The following RREB1 variants were observed in gnomAD, a reference collection of about 807,000 sequenced individuals.
RREB1 encodes ras responsive element binding protein 1.
A neutral mutation model predicts 117.8 loss-of-function variants in RREB1; 27 were observed. The observed-to-expected ratio is 0.23, with a 90% CI of 0.17 to 0.32. The LOEUF (loss-of-function observed/expected upper bound fraction) is 0.32. RREB1 is among the 10% of genes least tolerant of loss of function. The pLI is 1.00. For missense variants in RREB1, 2,577 were observed against 2,378.2 expected, an observed-to-expected ratio of 1.08 and a Z score of -1.74; for synonymous variants, 1,298 against 1,026.7, an observed-to-expected ratio of 1.26 and a Z score of -5.05.
intron 9 of RREB1, among the ~76,000 whole-genome samples, chr6:7,228,086 A>C (rs917483916): frequency 2.6e-5 from 4 of 152,128 alleles, no homozygotes; most frequent in Non-Finnish European, 5.9e-5. Context: ...ACTGCCTTGA[A>C]ATTATTTTTT....
intron 8 of RREB1, among the ~76,000 whole-genome samples, chr6:7,222,994 C>A (rs1767350045): frequency 6.6e-6 from 1 of 152,160 alleles, no homozygotes; most frequent in Non-Finnish European, 1.5e-5. Context: ...GTGGCTCACA[C>A]CTGTAATCCC....
chr6:7,162,397 T>G (rs189668912), intron 1 of RREB1, among the ~76,000 whole-genome samples: 1 of 152,310 alleles, frequency 6.6e-6, no homozygotes, highest in Non-Finnish European at 1.5e-5. Context: ...AAGCTCAGGT[T>G]TGCTTTTGCT....
intron 2 of RREB1, among the ~76,000 whole-genome samples, chr6:7,178,024 C>A (rs115927308): frequency 6.6e-6 from 1 of 151,808 alleles, no homozygotes; most frequent in Non-Finnish European, 1.5e-5. Flanking sequence ...TGCCCGGCCC[C>A]GGCTGATTTT....
intron 10 of RREB1, 106 bp downstream of exon 10, chr6:7,232,013 C>T (rs971435698): frequency 8.2e-7 from 1 of 1,217,672 alleles, no homozygotes; most frequent in Non-Finnish European, 1.1e-6. Flanking sequence ...CCAGTTATTC[C>T]TAGCTTGGCT....
intron 1 of RREB1, among the ~76,000 whole-genome samples, chr6:7,144,521 CA>C (rs1762771943): frequency 6.6e-6 from 1 of 152,044 alleles, no homozygotes; most frequent in East Asian, 1.9e-4. Flanking sequence ...TTAGGATTTT[CA>C]CTTCTGTTTT....
chr6:7,230,513 G>A lies in RREB1; in HGVS notation c.2414G>A (p.Cys805Tyr). ...GCCGCGTTCGCGGCCAAGCGCAACT[G>A]CATCCACCACATCCTCAAGCAGCAC... ...CSAAFAAKRN[C>Y]IHHILKQHLH... Residue 805 changes from cysteine to tyrosine, a missense_variant, in exon 10 of 13, where the codon TGC becomes TAC. By Grantham distance (194) the Cys-to-Tyr change is radical (BLOSUM62 -2). Transcript: ENST00000379938. 1.9e-6 allele frequency: 3 copies of A among 1,594,338 alleles called. No homozygotes were observed. The highest frequency in any genetic ancestry group is 1.1e-5 in the South Asian group (1 of 90,346).
At chr6:7,239,322 TGGG>T (rs752174028) in intron 10 of RREB1, among the ~76,000 whole-genome samples, 1 of 152,296 alleles carries the variant, frequency 6.6e-6, no homozygotes. Flanking sequence ...TCCAGCAACT[TGGG>T]GGAAAGGGAG....
At chr6:7,223,173 C>T (rs572979709) in intron 8 of RREB1, among the ~76,000 whole-genome samples, 76 of 150,782 alleles carry the variant, frequency 5.0e-4, no homozygotes, top group African/African-American at 1.8e-3. Flanking sequence ...GGGAGGATCA[C>T]TTGCGCCCAG....
intron 8 of RREB1, among the ~76,000 whole-genome samples, chr6:7,219,781 C>T (rs1467314517): frequency 6.6e-6 from 1 of 152,168 alleles, no homozygotes; most frequent in Admixed American, 6.5e-5. Flanking sequence ...TGTTGGCAGC[C>T]ACCTTCCTGC....
intron 1 of RREB1, among the ~76,000 whole-genome samples, chr6:7,120,091 A>C: frequency 5.3e-5 from 7 of 130,944 alleles, no homozygotes; most frequent in African/African-American, 8.3e-5. Flanking sequence ...TTATGTCCCC[A>C]CCCCCACCCC....
chr6:7,211,726 A>AC lies in RREB1; in HGVS notation c.707+18dup, dbSNP rs1444724664. The AC allele has an allele frequency of 6.2e-7, 1 of 1,613,366 alleles. No individual in the cohort carries two copies. Among genetic ancestry groups the AC allele is most frequent in the East Asian group, 2.2e-5 (1 of 44,880 alleles). ...CCCACTAAGGTAGGAGAAAGAGTGAACTAGACCTTGTTCATTCCTGTTTCT... is the reference window on the plus strand; with the variant it reads ...CCCACTAAGGTAGGAGAAAGAGTGAACCTAGACCTTGTTCATTCCTGTTTCT... On this transcript the variant is annotated intron_variant, in intron 8 of 12. Coordinates refer to ENST00000379938, the MANE Select transcript of RREB1 (RefSeq NM_001003699.4).
intron 1 of RREB1, among the ~76,000 whole-genome samples, chr6:7,161,739 C>T (rs139569709): frequency 1.3e-5 from 2 of 152,342 alleles, no homozygotes; most frequent in African/African-American, 4.8e-5. Context: ...TGGGAGCTCT[C>T]TTCCTAACTC....
intron 2 of RREB1, among the ~76,000 whole-genome samples, 162 bp from the exon 3 acceptor site, chr6:7,180,962 T>C (rs1297912834): frequency 6.6e-6 from 1 of 152,192 alleles, no homozygotes; most frequent in Non-Finnish European, 1.5e-5. Flanking sequence ...GAAACAGCTG[T>C]AGAATGTGGT....
intron 1 of RREB1, among the ~76,000 whole-genome samples, chr6:7,128,549 T>A (rs1762028108): frequency 6.6e-6 from 1 of 152,216 alleles, no homozygotes; most frequent in Non-Finnish European, 1.5e-5. Context: ...GAGATGCTCC[T>A]GTTTCTGAGA....
chr6:7,173,355 A>G (rs1764322986), intron 1 of RREB1, among the ~76,000 whole-genome samples: 2 of 152,046 alleles, frequency 1.3e-5, no homozygotes, highest in African/African-American at 4.8e-5. Flanking sequence ...CGTCTCTACT[A>G]AAAATACAGA....
chr6:7,174,636 A>G (rs1244648935), intron 1 of RREB1, among the ~76,000 whole-genome samples: 1 of 152,180 alleles, frequency 6.6e-6, no homozygotes, highest in East Asian at 1.9e-4. Context: ...TTTTTGAGAC[A>G]GACTCTCTGT....
intron 12 of RREB1, 43 bp from the exon 13 acceptor site, chr6:7,248,468 G>A (rs1769240784): frequency 2.6e-6 from 4 of 1,554,478 alleles, no homozygotes; most frequent in Non-Finnish European, 3.5e-6. Context: ...AGTGGGTACT[G>A]GTGCCTTTTG....
intron 12 of RREB1, among the ~76,000 whole-genome samples, chr6:7,247,871 T>G (rs958595930): frequency 6.6e-6 from 1 of 152,212 alleles, no homozygotes; most frequent in Admixed American, 6.5e-5. Context: ...CTTTCCAAAA[T>G]AACCTGTCCC....
intron 1 of RREB1, among the ~76,000 whole-genome samples, chr6:7,149,124 TA>T (rs1443573534): frequency 6.6e-6 from 1 of 152,172 alleles, no homozygotes; most frequent in East Asian, 1.9e-4. Context: ...GGTTTCACCA[TA>T]TTGGTCAGGC....
Sources: gnomAD v4.1 joint callset for allele counts (sites outside exome capture counted in the v4.1 genomes callset) on GRCh38, gnomAD v4.1.1 for gene constraint, MANE v1.5 for transcripts, NCBI Gene and HGNC (gene_info 2026-07-23, HGNC 2026-07-21) for gene names.